Variants in RALGPS2 observed in about 807,000 individuals in gnomAD.
The protein encoded by RALGPS2 is ras-specific guanine nucleotide-releasing factor RalGPS2.
A neutral mutation model predicts 86.8 loss-of-function variants in RALGPS2; 43 were observed. The ratio of observed to expected loss-of-function variants is 0.50; its 90% CI spans 0.39 to 0.64. RALGPS2 has a LOEUF of 0.64. Ranked by LOEUF, RALGPS2 falls within the 30% of genes least tolerant of loss-of-function variation. The probability of loss-of-function intolerance (pLI) is 0.00; values close to 1 mark genes in which losing one functional copy is unlikely to be tolerated. For synonymous variants in RALGPS2, 243 were observed against 231.3 expected (o/e 1.05, Z -0.46); for missense variants, 536 against 694.6 (o/e 0.77, Z 2.57).
At chr1:178,784,065 G>A (rs1315298011) in intron 2 of RALGPS2, among the ~76,000 whole-genome samples, 1 of 152,090 alleles carries the variant, frequency 6.6e-6, no homozygotes, top group Non-Finnish European at 1.5e-5. Context: ...TTAAAAAATT[G>A]TAAGTAAGTG....
At position 178,780,340 on chromosome 1, in the gene RALGPS2, G is replaced by C. The variant is rs538662538; in HGVS notation, c.57+3519G>C. 3.1e-4 allele frequency among the ~76,000 whole-genome samples: 47 copies of C among 152,220 alleles called. 1 individual carries two copies. Among genetic ancestry groups the C allele is most frequent in the South Asian group, 1.0e-3 (5 of 4,822 alleles). On this transcript the variant is annotated intron_variant, in intron 2 of 19. Coordinates refer to ENST00000367635, the MANE Select transcript of RALGPS2 (RefSeq NM_152663.5). The stretch of plus-strand genomic sequence containing the variant: ...TTTCTATTACTGTACTACCATGTTA[G>C]TTTGGTCGTTTATTATTTCTTGTCT...
intron 15 of RALGPS2, 94 bp from the exon 16 acceptor site, chr1:178,893,823 CTT>C (rs1659822254): frequency 3.8e-6 from 3 of 799,180 alleles, no homozygotes; most frequent in Non-Finnish European, 5.9e-6. Context: ...AAGTAACAAA[CTT>C]TTAAAATTAA....
chr1:178,874,600 T>G (rs1658916807), intron 8 of RALGPS2, among the ~76,000 whole-genome samples: 1 of 152,202 alleles, frequency 6.6e-6, no homozygotes, highest in Non-Finnish European at 1.5e-5. Context: ...CTTATGAAAC[T>G]CCTGTTTAAA....
At chr1:178,777,836 C>T (rs1322471714) in intron 2 of RALGPS2, among the ~76,000 whole-genome samples, 11 of 148,850 alleles carry the variant, frequency 7.4e-5, no homozygotes, top group African/African-American at 2.7e-4. Context: ...AACTGGCTAG[C>T]CATATGTAGA....
At chr1:178,726,743 T>C (rs1228626039) in intron 1 of RALGPS2, among the ~76,000 whole-genome samples, 7 of 152,188 alleles carry the variant, frequency 4.6e-5, no homozygotes, top group Non-Finnish European at 1.0e-4. Flanking sequence ...TGTCCACCAT[T>C]AGATCGATTC....
chr1:178,847,003 C>T (rs1000530634), intron 8 of RALGPS2, among the ~76,000 whole-genome samples: 4 of 152,074 alleles, frequency 2.6e-5, no homozygotes, highest in African/African-American at 9.7e-5. Flanking sequence ...TGTAAAGATA[C>T]GTATTTCATT....
rs372674831 is a variant in RALGPS2 at position 178,787,921 on chromosome 1, C to A, written c.213+2314C>A. On this transcript the variant is annotated intron_variant, in intron 4 of 19. Transcript: ENST00000367635. Reference sequence around the variant, plus strand: ...GTAATCTTTTCAACATCTGTTGGATCTGTTCATGTGATCGCTCTGCTTAAA... The same window carrying A: ...GTAATCTTTTCAACATCTGTTGGATATGTTCATGTGATCGCTCTGCTTAAA... 9.8e-5 allele frequency among the ~76,000 whole-genome samples: 15 copies of A among 152,312 alleles called. 2 individuals are homozygous for A. Among genetic ancestry groups the A allele is most frequent in the African/African-American group, 3.6e-4 (15 of 41,578 alleles).
chr1:178,870,954 A>T (rs924630791), intron 8 of RALGPS2: 1 of 152,204 alleles, frequency 6.6e-6, no homozygotes, highest in Admixed American at 6.6e-5. Flanking sequence ...TTTAAGTAGT[A>T]TAGTGGAAGT....
intron 10 of RALGPS2, among the ~76,000 whole-genome samples, chr1:178,880,966 G>A (rs1397958358): frequency 6.6e-6 from 1 of 152,080 alleles, no homozygotes; most frequent in African/African-American, 2.4e-5. Context: ...CTATTATACT[G>A]GTTTTTGTTT....
In RALGPS2 at chr1:178,918,709, T is replaced by C. The variant is rs927526972; in HGVS notation, c.*2350T>C. Reference sequence around the variant, plus strand: ...TTTATTCATTCAGAAAATTAGTCATTGCTTTTTAAGATTATTTTAGCATTT... The same window carrying C: ...TTTATTCATTCAGAAAATTAGTCATCGCTTTTTAAGATTATTTTAGCATTT... On this transcript the variant is annotated 3_prime_UTR_variant, in exon 20 of 20. Coordinates refer to ENST00000367635, the MANE Select transcript of RALGPS2 (RefSeq NM_152663.5). 1 of 152,186 alleles carries C rather than the reference T, an allele frequency of 6.6e-6. No homozygotes were observed. Among genetic ancestry groups the C allele is most frequent in the African/African-American group, 2.4e-5 (1 of 41,476 alleles). The allele number at this position is 152,186 out of a possible 1,614,324, so 9.4% of individuals were successfully genotyped here.
rs57628726 is a variant in RALGPS2 at position 178,731,272 on chromosome 1, G to GTTTTTTTTTTT, written c.-84+5872_-84+5882dup. Among the ~76,000 whole-genome samples the GTTTTTTTTTTT allele has an allele frequency of 7.6e-4, 44 of 57,968 alleles. 6 individuals are homozygous for GTTTTTTTTTTT. The highest frequency in any genetic ancestry group is 1.2e-3 in the Admixed American group (4 of 3,322). The allele number at this position is 57,968 out of a possible 152,430, so 38.0% of individuals were successfully genotyped here. On this transcript the variant is annotated intron_variant, in intron 1 of 19. Transcript: ENST00000367635. ...TGATTATACTTTTCTAGTTGTTTTG[G>GTTTTTTTTTTT]TTTTTTTTTTTTTTTTTTTTTTTTT...
chr1:178,830,280 TAAAGA>T (rs1655955680), intron 7 of RALGPS2, among the ~76,000 whole-genome samples: 1 of 152,142 alleles, frequency 6.6e-6, no homozygotes, highest in Non-Finnish European at 1.5e-5. Context: ...CAGGAATAGC[TAAAGA>T]AGACAATGGG....
chr1:178,731,850 T>G (rs1448835988), intron 1 of RALGPS2, among the ~76,000 whole-genome samples: 1 of 152,128 alleles, frequency 6.6e-6, no homozygotes, highest in African/African-American at 2.4e-5. Flanking sequence ...AGGTAGTATT[T>G]TAGGCATTTT....
intron 7 of RALGPS2, among the ~76,000 whole-genome samples, chr1:178,830,799 G>A (rs1655977621): frequency 6.6e-6 from 1 of 152,030 alleles, no homozygotes; most frequent in Admixed American, 6.5e-5. Flanking sequence ...ACCTTAAAAT[G>A]GAAAAGAGGA....
chr1:178,788,141 A>G (rs939536348), intron 4 of RALGPS2, among the ~76,000 whole-genome samples: 1 of 151,484 alleles, frequency 6.6e-6, no homozygotes, highest in Non-Finnish European at 1.5e-5. Flanking sequence ...ATTAACTTCT[A>G]CTCATCTTTC....
chr1:178,874,004 C>T (rs150597489), intron 8 of RALGPS2, among the ~76,000 whole-genome samples: 487 of 152,132 alleles, frequency 3.2e-3, no homozygotes, highest in African/African-American at 0.01. Context: ...CCTCAGCCTC[C>T]CATACTAGAC....
chr1:178,892,675 T>C (rs1314338611), intron 15 of RALGPS2, among the ~76,000 whole-genome samples: 1 of 152,180 alleles, frequency 6.6e-6, no homozygotes, highest in African/African-American at 2.4e-5. Context: ...AATAAATTTA[T>C]ATTTGATTTG....
At chr1:178,850,931 A>C in intron 8 of RALGPS2, 1 of 437,470 alleles carries the variant, frequency 2.3e-6, no homozygotes, top group Non-Finnish European at 3.9e-6. Flanking sequence ...TAGGTTGTGG[A>C]TACACATAAT....
At chr1:178,861,403 G>A (rs1467852536) in intron 8 of RALGPS2, among the ~76,000 whole-genome samples, 1 of 150,820 alleles carries the variant, frequency 6.6e-6, no homozygotes, top group Non-Finnish European at 1.5e-5. Flanking sequence ...GAGGACTTTT[G>A]ACATACTAAA....
Sources: gnomAD v4.1 joint callset for allele counts (sites outside exome capture counted in the v4.1 genomes callset) on GRCh38, gnomAD v4.1.1 for gene constraint, MANE v1.5 for transcripts, NCBI Gene and HGNC (gene_info 2026-07-23, HGNC 2026-07-21) for gene names.